Variants in MAGI1 observed in about 807,000 individuals in gnomAD.
MAGI1 encodes membrane associated guanylate kinase, WW and PDZ domain containing 1, also known as membrane-associated guanylate kinase, WW and PDZ domain-containing protein 1.
Under a neutral mutation model 139.9 loss-of-function variants are expected in MAGI1, and 58 were observed. The observed-to-expected ratio is 0.41, with a 90% confidence interval of 0.34 to 0.52. The LOEUF is 0.52. Ranked by LOEUF, MAGI1 falls within the 20% of genes least tolerant of loss-of-function variation. The pLI, the probability that MAGI1 is intolerant of heterozygous loss-of-function variation, is 0.12. For missense variants in MAGI1, 1,874 were observed against 1,901.6 expected (o/e 0.99, Z 0.27); for synonymous variants, 812 against 737.9 (o/e 1.10, Z -1.63).
chr3:65,557,338 A>G (rs2080135120), intron 2 of MAGI1, among the ~76,000 whole-genome samples: 1 of 152,202 alleles, frequency 6.6e-6, no homozygotes, highest in Non-Finnish European at 1.5e-5. Flanking sequence ...CATAGTGAGG[A>G]ACTAAAGCCT....
chr3:65,893,380 C>A (rs955104600), intron 1 of MAGI1, among the ~76,000 whole-genome samples: 1 of 151,262 alleles, frequency 6.6e-6, no homozygotes, highest in South Asian at 2.1e-4. Flanking sequence ...CGGTTTCTTG[C>A]CTGGAGAAAA....
chr3:65,790,751 C>T (rs766333181), intron 1 of MAGI1, among the ~76,000 whole-genome samples: 8 of 152,146 alleles, frequency 5.3e-5, no homozygotes, highest in Admixed American at 1.3e-4. Flanking sequence ...TTGTGCTTTT[C>T]GGTTCTATAG....
intron 22 of MAGI1, chr3:65,360,190 G>C (rs1940671887): frequency 4.1e-6 from 4 of 985,296 alleles, no homozygotes; most frequent in Non-Finnish European, 3.6e-6. Flanking sequence ...AAATGCAACT[G>C]AGAATTGTGC....
intron 1 of MAGI1, among the ~76,000 whole-genome samples, chr3:65,669,613 T>C (rs2086734109): frequency 6.6e-6 from 1 of 152,226 alleles, no homozygotes; most frequent in South Asian, 2.1e-4. Context: ...GCTTTGATTG[T>C]GTTTTGTCTT....
Position 65,889,928 on chromosome 3 carries a change from C to G in MAGI1, c.313+148068G>C, listed in dbSNP as rs1363999473. ...GCTGCCACATGTATGAAGATGGTCA[C>G]TGCAGTGTTCCTTATAAAAGCCAAA... On this transcript the variant is annotated intron_variant, in intron 1 of 22. Transcript: ENST00000402939. Among the ~76,000 whole-genome samples, 3 of 152,194 alleles carry G rather than the reference C, an allele frequency of 2.0e-5. No homozygotes were observed. In the East Asian group the frequency reaches 5.8e-4, roughly 29 times the overall value.
chr3:65,890,943 T>A (rs1046234588), intron 1 of MAGI1, among the ~76,000 whole-genome samples: 8 of 152,152 alleles, frequency 5.3e-5, no homozygotes, highest in Non-Finnish European at 8.8e-5. Flanking sequence ...TGGGCAGTGG[T>A]TCACACCTCT....
chr3:65,555,049 G>A (rs371066538), intron 2 of MAGI1, among the ~76,000 whole-genome samples: 37 of 152,210 alleles, frequency 2.4e-4, no homozygotes, highest in Non-Finnish European at 5.0e-4. Context: ...CCATGGTTAT[G>A]TAAGATGTCA....
At chr3:65,699,725 G>A (rs1311041084) in intron 1 of MAGI1, among the ~76,000 whole-genome samples, 1 of 122,950 alleles carries the variant, frequency 8.1e-6, no homozygotes, top group Non-Finnish European at 1.7e-5. Flanking sequence ...TGGGGACTGT[G>A]GTGGGGTGGG....
intron 1 of MAGI1, among the ~76,000 whole-genome samples, chr3:65,806,783 T>C (rs1385110815): frequency 6.6e-6 from 1 of 152,222 alleles, no homozygotes; most frequent in Non-Finnish European, 1.5e-5. Flanking sequence ...GCCTGGACCC[T>C]GTCCACTAGA....
intron 1 of MAGI1, among the ~76,000 whole-genome samples, chr3:65,773,616 C>T (rs778828076): frequency 2.8e-4 from 42 of 152,100 alleles, no homozygotes; most frequent in Non-Finnish European, 4.4e-4. Flanking sequence ...CCATATCACT[C>T]GGATTGTCTG....
chr3:65,636,703 T>TACACAAAAAC (rs1553683943), intron 1 of MAGI1, among the ~76,000 whole-genome samples: 1 of 148,474 alleles, frequency 6.7e-6, no homozygotes, highest in Non-Finnish European at 1.5e-5. Flanking sequence ...GGAAAACACA[T>TACACAAAAAC]ACACACACAC....
intron 1 of MAGI1, among the ~76,000 whole-genome samples, chr3:65,846,976 C>CAAAAAAAAA (rs58391331): frequency 0.052 from 4,193 of 80,570 alleles, 321 homozygotes; most frequent in African/African-American, 0.1. Flanking sequence ...CAATGTCTTA[C>CAAAAAAAAA]AAAAAAAAAA....
At position 65,923,226 on chromosome 3, in the gene MAGI1, CT is replaced by C. The variant is rs72035925; in HGVS notation, c.313+114769del. On this transcript the variant is annotated intron_variant, in intron 1 of 22. Transcript: ENST00000402939. ...TGTTAAGCTTGCATTCAACAGACAT[CT>C]TTTTTTTTTTTTTTTTGAGATGGAG... Among the ~76,000 whole-genome samples, 90 of 139,932 alleles carry C rather than the reference CT, an allele frequency of 6.4e-4. 5 individuals carry two copies. The highest frequency in any genetic ancestry group is 8.6e-4 in the Admixed American group (12 of 13,928). 91.8% of individuals were successfully genotyped at this position (139,932 alleles called of 152,430 possible).
At chr3:65,627,754 C>A (rs2084063389) in intron 1 of MAGI1, among the ~76,000 whole-genome samples, 1 of 151,860 alleles carries the variant, frequency 6.6e-6, no homozygotes, top group Non-Finnish European at 1.5e-5. Flanking sequence ...GATCTGCCCA[C>A]CTTGGCCTCC....
chr3:65,875,973 G>A (rs536994729), intron 1 of MAGI1, among the ~76,000 whole-genome samples: 2 of 152,146 alleles, frequency 1.3e-5, no homozygotes, highest in South Asian at 4.2e-4. Flanking sequence ...ACAGTAAGAG[G>A]GAGGAAACCA....
chr3:65,610,802 TAG>T (rs1303105144), intron 2 of MAGI1, among the ~76,000 whole-genome samples: 2 of 127,620 alleles, frequency 1.6e-5, no homozygotes, highest in African/African-American at 5.6e-5. Context: ...ATAGTATATA[TAG>T]GTATATATAG....
intron 2 of MAGI1, among the ~76,000 whole-genome samples, chr3:65,533,885 G>A (rs996397597): frequency 6.6e-6 from 1 of 151,968 alleles, no homozygotes; most frequent in Non-Finnish European, 1.5e-5. Context: ...CCACTACTAG[G>A]TAAGATCATT....
intron 1 of MAGI1, among the ~76,000 whole-genome samples, chr3:65,637,757 C>T (rs144733340): frequency 0.01 from 1,596 of 152,220 alleles, 31 homozygotes; most frequent in African/African-American, 0.036. Context: ...AACACAGGTA[C>T]GAAAGGCTTT....
chr3:65,379,486 G>C lies in MAGI1; in HGVS notation c.2770C>G (p.Leu924Val). ...SHHSSNQPAS[L>V]TEEKRTPQGS... ...TGCGGAGTGCGCTTCTCTTCTGTCA[G>C]CGAGGCCGGCTGGTTGCTACTGTGA... The change falls in exon 17 of 23, where the codon CTG becomes GTG. Residue 924 changes from leucine to valine, a missense_variant. Leu to Val is a conservative substitution (Grantham distance 32). Transcript: ENST00000402939. 1.2e-6 allele frequency: 2 copies of C among 1,613,986 alleles called. No individual in the cohort carries two copies. Among genetic ancestry groups the C allele is most frequent in the Non-Finnish European group, 1.7e-6 (2 of 1,179,888 alleles).
Sources: allele counts gnomAD v4.1 joint callset (sites outside exome capture counted in the v4.1 genomes callset), GRCh38; gene constraint gnomAD v4.1.1; transcripts MANE v1.5; gene names NCBI Gene and HGNC (gene_info 2026-07-23, HGNC 2026-07-21).